Variants in MEF2C observed in about 807,000 individuals in gnomAD.
MEF2C encodes myocyte-specific enhancer factor 2C.
Under a neutral mutation model 50.5 loss-of-function variants are expected in MEF2C, and 6 were observed. The observed-to-expected ratio is 0.12, with a 90% confidence interval of 0.07 to 0.23. The LOEUF (loss-of-function observed/expected upper bound fraction) is 0.23. MEF2C is among the 10% of genes least tolerant of loss of function. The pLI is 1.00. For missense variants in MEF2C, 276 were observed against 605.0 expected, an observed-to-expected ratio of 0.46 and a Z score of 5.70; for synonymous variants, 183 against 228.0, an observed-to-expected ratio of 0.80 and a Z score of 1.78.
chr5:88,839,554 G>A (rs1305722021), intron 1 of MEF2C: 2 of 152,172 alleles, frequency 1.3e-5, no homozygotes, highest in African/African-American at 2.4e-5. Context: ...CTTTCAAAGT[G>A]AAGACACCTC....
intron 4 of MEF2C, chr5:88,760,961 G>A (rs2037032079): frequency 6.3e-7 from 1 of 1,594,742 alleles, no homozygotes; most frequent in Non-Finnish European, 8.5e-7. Flanking sequence ...GTTATCAGCA[G>A]ACCAGCCATC....
At chr5:88,757,960 G>A (rs1241118044) in intron 4 of MEF2C, among the ~76,000 whole-genome samples, 1 of 151,980 alleles carries the variant, frequency 6.6e-6, no homozygotes, top group Non-Finnish European at 1.5e-5. Context: ...GTCATTATAT[G>A]GTCACCTACT....
intron 6 of MEF2C, chr5:88,733,266 C>A: frequency 1.0e-6 from 1 of 985,226 alleles, no homozygotes; most frequent in Non-Finnish European, 1.2e-6. Flanking sequence ...GTTTAAAGAG[C>A]ATGGTAAGGG....
intron 1 of MEF2C, among the ~76,000 whole-genome samples, chr5:88,855,227 G>A (rs1822862931): frequency 1.3e-5 from 2 of 152,138 alleles, no homozygotes; most frequent in Non-Finnish European, 2.9e-5. Context: ...AGAATATATA[G>A]GAAGCATTTA....
chr5:88,810,145 A>C (rs960974435), intron 2 of MEF2C, among the ~76,000 whole-genome samples: 3 of 152,066 alleles, frequency 2.0e-5, no homozygotes, highest in African/African-American at 7.2e-5. Context: ...TTTCGGTATA[A>C]TTTTATGTTA....
chr5:88,834,059 C>G (rs903730682), intron 1 of MEF2C, among the ~76,000 whole-genome samples: 1 of 151,096 alleles, frequency 6.6e-6, no homozygotes, highest in South Asian at 2.1e-4. Flanking sequence ...AACAAGAGAC[C>G]TCTCCATGAC....
chr5:88,808,863 T>G (rs1214770033), intron 2 of MEF2C, among the ~76,000 whole-genome samples: 1 of 152,152 alleles, frequency 6.6e-6, no homozygotes, highest in African/African-American at 2.4e-5. Flanking sequence ...TGGTTACATT[T>G]TTCTTAACTT....
intron 1 of MEF2C, among the ~76,000 whole-genome samples, chr5:88,862,413 T>C (rs1825810947): frequency 6.6e-6 from 1 of 152,186 alleles, no homozygotes; most frequent in Admixed American, 6.5e-5. Flanking sequence ...GATCATGGTT[T>C]GCTATGTTTA....
chr5:88,742,673 G>A (rs1297731017), intron 6 of MEF2C: 7 of 985,072 alleles, frequency 7.1e-6, no homozygotes, highest in East Asian at 1.1e-4. Context: ...CAAAGGGGTC[G>A]AAGGCATATT....
chr5:88,721,547 CGCTATTAAGATAACAAAACTTCT>C lies in MEF2C; in HGVS notation c.*1034_*1056del, dbSNP rs1415449018. The C allele has an allele frequency of 6.6e-6, 1 of 152,432 alleles. No homozygotes were observed. Among genetic ancestry groups the C allele is most frequent in the African/African-American group, 2.4e-5 (1 of 41,394 alleles). The allele number at this position is 152,432 out of a possible 1,614,324, so 9.4% of individuals were successfully genotyped here. Reference sequence around the variant, plus strand: ...CAACTGCACAAATATACCCCCCTCCCGCTATTAAGATAACAAAACTTCTGCTATTACCATAATATTATATATAT... The same window carrying C: ...CAACTGCACAAATATACCCCCCTCCCGCTATTACCATAATATTATATATAT... On this transcript the variant is annotated 3_prime_UTR_variant, in exon 11 of 11. Transcript: ENST00000504921.
At position 88,718,795 on chromosome 5, in the gene MEF2C, T is replaced by G. The variant is rs1050960200; in HGVS notation, c.*3809A>C. The G allele has an allele frequency of 1.3e-5, 2 of 152,238 alleles. No individual in the cohort carries two copies. Among genetic ancestry groups the G allele is most frequent in the Non-Finnish European group, 2.9e-5 (2 of 68,040 alleles). 9.4% of individuals were successfully genotyped at this position (152,238 alleles called of 1,614,324 possible). On this transcript the variant is annotated 3_prime_UTR_variant, in exon 11 of 11. Transcript: ENST00000504921. ...AATTTGATGTAGAAGATATGTGGCT[T>G]GGATTGCTCCACATCTTTGGTTAAA... is the stretch of plus-strand genomic sequence containing the variant.
chr5:88,823,935 A>G lies in MEF2C; in HGVS notation c.-142-5T>C. 6.9e-7 allele frequency: 1 copy of G among 1,446,316 alleles called. No homozygotes were observed. Among genetic ancestry groups the G allele is most frequent in the Non-Finnish European group, 9.1e-7 (1 of 1,099,442 alleles). The allele number at this position is 1,446,316 out of a possible 1,614,324, so 89.6% of individuals were successfully genotyped here. On this transcript the variant is annotated splice_region_variant and splice_polypyrimidine_tract_variant and intron_variant, in intron 1 of 10. Coordinates refer to ENST00000504921, the MANE Select transcript of MEF2C (RefSeq NM_002397.5). Reference sequence around the variant, plus strand: ...AAATTCCTGCATTCGTTCCTGCTGAACAAAAAAGAAAAATTAAATACCACT... The same window carrying G: ...AAATTCCTGCATTCGTTCCTGCTGAGCAAAAAAGAAAAATTAAATACCACT...
At chr5:88,875,397 G>C (rs1263915165) in intron 1 of MEF2C, among the ~76,000 whole-genome samples, 1 of 151,864 alleles carries the variant, frequency 6.6e-6, no homozygotes, top group Non-Finnish European at 1.5e-5. Context: ...CCCGAGATAA[G>C]TACAAAAAAC....
At chr5:88,825,175 G>A (rs958157743) in intron 1 of MEF2C, among the ~76,000 whole-genome samples, 1 of 151,646 alleles carries the variant, frequency 6.6e-6, no homozygotes, top group African/African-American at 2.4e-5. Context: ...CAAAGTTCTT[G>A]GAACAGGAAG....
intron 3 of MEF2C, among the ~76,000 whole-genome samples, chr5:88,793,293 A>C (rs1271969675): frequency 6.6e-6 from 1 of 152,100 alleles, no homozygotes; most frequent in Non-Finnish European, 1.5e-5. Flanking sequence ...AGGTTGAGGA[A>C]TGTACGTATG....
chr5:88,814,374 A>C (rs1182468383), intron 2 of MEF2C, among the ~76,000 whole-genome samples: 1 of 152,106 alleles, frequency 6.6e-6, no homozygotes, highest in Non-Finnish European at 1.5e-5. Context: ...CTGCCATCGT[A>C]AATGAAAGGC....
intron 1 of MEF2C, chr5:88,877,805 CTTT>C (rs1372026874): frequency 1.3e-5 from 2 of 151,904 alleles, no homozygotes; most frequent in African/African-American, 4.8e-5. Context: ...CTTTCATAGA[CTTT>C]TTTTCAGTAT....
Position 88,745,296 on chromosome 5 carries a change from G to A in MEF2C, c.637+3774C>T, listed in dbSNP as rs184854399. Among the ~76,000 whole-genome samples, 6 of 152,356 alleles carry A rather than the reference G, an allele frequency of 3.9e-5. No homozygotes were observed. The East Asian group carries it at 7.7e-4, about 20-fold the overall frequency. On this transcript the variant is annotated intron_variant, in intron 6 of 10. Transcript: ENST00000504921. ...TTGCAATCATAATGCAATGAGAAATGTAATGTTGGTACAGGCTACTATGTA... is the reference window on the plus strand; with the variant it reads ...TTGCAATCATAATGCAATGAGAAATATAATGTTGGTACAGGCTACTATGTA...
intron 1 of MEF2C, among the ~76,000 whole-genome samples, chr5:88,879,068 T>C (rs567566963): frequency 3.5e-4 from 54 of 152,116 alleles, no homozygotes; most frequent in African/African-American, 1.1e-3. Context: ...ATTATAATAG[T>C]GCACAGAAAA....
Sources: allele counts gnomAD v4.1 joint callset (sites outside exome capture counted in the v4.1 genomes callset), GRCh38; gene constraint gnomAD v4.1.1; transcripts MANE v1.5; gene names NCBI Gene and HGNC (gene_info 2026-07-23, HGNC 2026-07-21).